DNAH8: variants seen among roughly 807,000 people sequenced by gnomAD.
DNAH8 encodes dynein axonemal heavy chain 8.
In DNAH8, 382 loss-of-function variants were observed where a neutral mutation model predicts 562.1. The observed-to-expected ratio is 0.68, with a 90% CI of 0.63 to 0.74. The LOEUF (loss-of-function observed/expected upper bound fraction) is 0.74, where lower values mean the gene tolerates loss of function less well. Among genes scored for constraint, DNAH8 ranks in the 30% least tolerant of loss-of-function variants. The pLI is 0.00. For synonymous variants in DNAH8, 1,881 were observed against 1,919.4 expected (o/e 0.98, Z 0.52); for missense variants, 5,203 against 5,620.4 (o/e 0.93, Z 2.37).
chr6:38,999,918 T>C (rs113849401), intron 88 of DNAH8, among the ~76,000 whole-genome samples: 1 of 68,286 alleles, frequency 1.5e-5, no homozygotes, highest in African/African-American at 8.0e-5. Flanking sequence ...AAGGCATTTA[T>C]ACACACACAC....
chr6:39,002,841 A>T (rs556731116), intron 88 of DNAH8, among the ~76,000 whole-genome samples: 16 of 152,216 alleles, frequency 1.1e-4, no homozygotes, highest in Non-Finnish European at 2.2e-4. Context: ...GCTAGATCTG[A>T]TACTAGGACC....
intron 41 of DNAH8, among the ~76,000 whole-genome samples, chr6:38,856,753 C>A (rs562595971): frequency 1.1e-4 from 17 of 152,108 alleles, no homozygotes; most frequent in Non-Finnish European, 2.5e-4. Context: ...TGAGCCCATG[C>A]CAAGCAGTAT....
At chr6:38,760,757 ATC>A (rs1394736808) in intron 10 of DNAH8, among the ~76,000 whole-genome samples, 3 of 151,960 alleles carry the variant, frequency 2.0e-5, no homozygotes, top group Non-Finnish European at 4.4e-5. Context: ...AGATCCTGGC[ATC>A]TCTCTCTTGC....
At chr6:38,997,041 C>A (rs1345403073) in intron 88 of DNAH8, among the ~76,000 whole-genome samples, 2 of 152,118 alleles carry the variant, frequency 1.3e-5, no homozygotes, top group African/African-American at 2.4e-5. Flanking sequence ...GTTCTCTCTT[C>A]ATCCTTAACT....
At chr6:38,980,912 A>T (rs1345184428) in intron 85 of DNAH8, among the ~76,000 whole-genome samples, 2 of 152,104 alleles carry the variant, frequency 1.3e-5, no homozygotes, top group African/African-American at 4.8e-5. Context: ...TGACTTGTTC[A>T]TGAACTTGTC....
At chr6:38,916,610 C>T (rs1781327858) in intron 68 of DNAH8, among the ~76,000 whole-genome samples, 1 of 152,058 alleles carries the variant, frequency 6.6e-6, no homozygotes, top group Admixed American at 6.6e-5. Flanking sequence ...ATTCTGCACC[C>T]CCACTTCCTT....
chr6:38,872,117 GC>G (rs1777516772), intron 49 of DNAH8, among the ~76,000 whole-genome samples: 1 of 152,126 alleles, frequency 6.6e-6, no homozygotes, highest in Non-Finnish European at 1.5e-5. Context: ...GAATTAGAAG[GC>G]CCCTTTGAAA....
At chr6:38,973,894 A>G (rs771469810) in intron 84 of DNAH8, 81 bp downstream of exon 84, 2 of 1,213,232 alleles carry the variant, frequency 1.6e-6, no homozygotes, top group Non-Finnish European at 2.3e-6. Context: ...TGGGAACACA[A>G]CAGGGCTTTT....
In DNAH8 at chr6:38,913,953, G is replaced by A. The variant is rs1331394250; in HGVS notation, c.9963+1G>A. Reference sequence around the variant, plus strand: ...AGTGGCTTCCATAAAAGCAGACGAAGTGAGTTTGCATTTATTTTATCACTG... The same window carrying A: ...AGTGGCTTCCATAAAAGCAGACGAAATGAGTTTGCATTTATTTTATCACTG... On this transcript the variant is annotated splice_donor_variant, in intron 67 of 92. Coordinates refer to ENST00000327475, the MANE Select transcript of DNAH8 (RefSeq NM_001206927.2). LOFTEE classifies it high-confidence loss of function. The A allele has an allele frequency of 5.6e-6, 9 of 1,607,390 alleles. No homozygotes were observed. Among genetic ancestry groups the A allele is most frequent in the Non-Finnish European group, 7.7e-6 (9 of 1,174,314 alleles).
In DNAH8 at chr6:38,811,942, C is replaced by T. The variant is rs538051834; in HGVS notation, c.3258-2112C>T. On this transcript the variant is annotated intron_variant, in intron 24 of 92. Transcript: ENST00000327475. ...ATGGCAGGTTTGGCTAGGGAGCACA[C>T]GGGTAGCCTAACTTAGTTACTTATC... Among the ~76,000 whole-genome samples, 4 of 152,234 alleles carry T rather than the reference C, an allele frequency of 2.6e-5. No homozygotes were observed. The South Asian group carries it at 6.2e-4, about 24-fold the overall frequency.
At chr6:38,810,564 C>G (rs1771705260) in intron 24 of DNAH8, among the ~76,000 whole-genome samples, 1 of 151,860 alleles carries the variant, frequency 6.6e-6, no homozygotes, top group African/African-American at 2.4e-5. Context: ...TGCATTCCAG[C>G]CTGGGCAACA....
rs1444174890 is a variant in DNAH8 at position 39,012,275 on chromosome 6, G to T, written c.13432G>T (p.Glu4478Ter). 6.2e-7 allele frequency: 1 copy of T among 1,612,644 alleles called. No homozygotes were observed. Among genetic ancestry groups the T allele is most frequent in the Admixed American group, 1.7e-5 (1 of 59,984 alleles). ...TTCAATGAACATATTTCTTAGACAA[G>T]AAATTGACAGAATGCAAAGAGTCAT... The part of the protein sequence containing the change: ...LNSMNIFLRQ[E>*]IDRMQRVISI... The change falls in exon 90 of 93, where the codon GAA becomes TAA. Residue 4478 changes from glutamate (E) to a stop codon, truncating the protein, a stop_gained. Transcript: ENST00000327475. LOFTEE classifies it high-confidence loss of function.
At chr6:38,815,716 A>G in intron 26 of DNAH8, 59 bp downstream of exon 26, 2 of 1,391,876 alleles carry the variant, frequency 1.4e-6, no homozygotes, top group South Asian at 1.5e-5. Flanking sequence ...GATAGCATAT[A>G]GATTTTTAAA....
chr6:39,001,711 G>A (rs952131971), intron 88 of DNAH8, among the ~76,000 whole-genome samples: 3 of 152,198 alleles, frequency 2.0e-5, no homozygotes, highest in Non-Finnish European at 4.4e-5. Flanking sequence ...CCATGTGAAA[G>A]ACTTCAGATT....
At chr6:38,849,832 G>A (rs545300256) in intron 37 of DNAH8, among the ~76,000 whole-genome samples, 20 of 151,304 alleles carry the variant, frequency 1.3e-4, no homozygotes, top group South Asian at 1.0e-3. Flanking sequence ...TTTTTTCCCC[G>A]CCTTGGGGTA....
At position 38,929,539 on chromosome 6, in the gene DNAH8, G is replaced by A. The variant is rs534987499; in HGVS notation, c.11147G>A (p.Arg3716His). Residue 3716 changes from arginine to histidine, a missense_variant, in exon 75 of 93, where the codon CGC (arginine) becomes CAC (histidine). By Grantham distance (29) the Arg-to-His change is conservative. Around this residue, in one of 6 missense-constraint regions of DNAH8, gnomAD observed 1,399 missense variants for 1,518.4 expected, o/e 0.92. Transcript: ENST00000327475. ...QVTSLNHKYF[R>H]THLEDSLSLG... ...ACATCTCTGAACCATAAATATTTTC[G>A]CACACACTTGGAGGACAGCCTTTCC... 28 of 1,611,676 alleles carry A rather than the reference G, an allele frequency of 1.7e-5. No homozygotes were observed. The South Asian group carries it at 2.6e-4, about 15-fold the overall frequency.
intron 77 of DNAH8, among the ~76,000 whole-genome samples, chr6:38,937,249 A>C (rs1047441976): frequency 3.2e-4 from 49 of 152,096 alleles, no homozygotes; most frequent in African/African-American, 1.1e-3. Context: ...AGAAATACCT[A>C]ATGTAAATGA....
chr6:38,757,267 G>T (rs1299548890), intron 10 of DNAH8, among the ~76,000 whole-genome samples: 1 of 144,436 alleles, frequency 6.9e-6, no homozygotes, highest in African/African-American at 2.6e-5. Context: ...TTCTCTGATG[G>T]CCAGTGATGA....
chr6:38,922,896 T>C lies in DNAH8; in HGVS notation c.10663-162T>C. On this transcript the variant is annotated intron_variant, in intron 71 of 92. Transcript: ENST00000327475. The stretch of plus-strand genomic sequence containing the variant: ...GGTAAAATCACTATATTATGAATGA[T>C]CAAAATTTAATATGTGAAGTTTCAA... 4 of 685,178 alleles carry C rather than the reference T, an allele frequency of 5.8e-6. No individual in the cohort carries two copies. In the South Asian group the frequency reaches 9.9e-5, roughly 17 times the overall value. 42.4% of individuals were successfully genotyped at this position (685,178 alleles called of 1,614,324 possible).
Sources: allele counts gnomAD v4.1 joint callset (sites outside exome capture counted in the v4.1 genomes callset), GRCh38; gene constraint gnomAD v4.1.1; regional missense constraint gnomAD v4.1.1; transcripts MANE v1.5; gene names NCBI Gene and HGNC (gene_info 2026-07-23, HGNC 2026-07-21).